Variants in GSN observed in about 807,000 individuals in gnomAD.
The protein encoded by GSN is actin-depolymerizing factor.
GSN carries 56 observed loss-of-function variants against 85.7 expected under a neutral mutation model. The observed-to-expected ratio is 0.65, with a 90% confidence interval of 0.53 to 0.82. The LOEUF (loss-of-function observed/expected upper bound fraction) is 0.82. Ranked by LOEUF, GSN falls within the 40% of genes least tolerant of loss-of-function variation. The probability of loss-of-function intolerance (pLI) is 0.00; values close to 1 mark genes in which losing one functional copy is unlikely to be tolerated. For missense variants in GSN, 857 were observed against 979.8 expected, an observed-to-expected ratio of 0.87 and a Z score of 1.67; for synonymous variants, 373 against 399.1, an observed-to-expected ratio of 0.93 and a Z score of 0.78.
intron 4 of GSN, among the ~76,000 whole-genome samples, chr9:121,305,283 G>A (rs1366437969): frequency 6.6e-6 from 1 of 152,182 alleles, no homozygotes; most frequent in East Asian, 1.9e-4. Context: ...AGACGAGGAA[G>A]CTGAGGCTCA....
At chr9:121,300,308 C>T (rs539961140) in intron 2 of GSN, among the ~76,000 whole-genome samples, 6 of 151,580 alleles carry the variant, frequency 4.0e-5, no homozygotes, top group Admixed American at 2.6e-4. Context: ...ATTTTTTCTC[C>T]CCTCTGCCTC....
At chr9:121,215,386 A>G (rs1162420305) in intron 4 of GSN, among the ~76,000 whole-genome samples, 1 of 152,060 alleles carries the variant, frequency 6.6e-6, no homozygotes, top group Non-Finnish European at 1.5e-5. Flanking sequence ...AACATTGGTT[A>G]AAAGATCTCT....
intron 4 of GSN, among the ~76,000 whole-genome samples, chr9:121,225,125 AAAAT>A (rs1283535228): frequency 6.6e-6 from 1 of 152,210 alleles, no homozygotes; most frequent in Non-Finnish European, 1.5e-5. Flanking sequence ...AGCCAAATGT[AAAAT>A]AAATAAATAG....
chr9:121,213,227 C>T (rs915515801), intron 4 of GSN, among the ~76,000 whole-genome samples: 9 of 152,162 alleles, frequency 5.9e-5, no homozygotes, highest in African/African-American at 1.7e-4. Flanking sequence ...CTGGGCTTCA[C>T]GGAGGAGTGA....
rs752438010 is a variant in GSN at position 121,318,366 on chromosome 9, G to A, written c.887-40G>A. 13 of 1,489,524 alleles carry A rather than the reference G, an allele frequency of 8.7e-6. No homozygotes were observed. Among genetic ancestry groups the A allele is most frequent in the South Asian group, 2.3e-5 (2 of 88,474 alleles). The allele number at this position is 1,489,524 out of a possible 1,614,324, so 92.3% of individuals were successfully genotyped here. A position where few individuals can be genotyped will look rare whatever the true frequency, so the allele number is the denominator to read the frequency against. ...AAAGGTCAGGATGCAGCAGGATCCC[G>A]GGCCTCTAACCCTCCATCACTTCCT... is the stretch of plus-strand genomic sequence containing the variant. On this transcript the variant is annotated intron_variant, in intron 8 of 17. Transcript: ENST00000432226. The surrounding 1 kb of genome is among the most constrained non-coding windows in gnomAD (Gnocchi z 4.3).
At position 121,318,602 on chromosome 9, in the gene GSN, C is replaced by G. The variant is rs2061992978; in HGVS notation, c.976-63C>G. On this transcript the variant is annotated intron_variant, in intron 9 of 17. Transcript: ENST00000432226. The surrounding 1 kb of genome is among the most constrained non-coding windows in gnomAD (Gnocchi z 4.3). The stretch of plus-strand genomic sequence containing the variant: ...CTCAGTGTGGATGGGGTATCTGAGG[C>G]TCCCCTGGGGACCCCTGCTGGGCAG... 1 of 1,480,204 alleles carries G rather than the reference C, an allele frequency of 6.8e-7. No individual in the cohort carries two copies. The highest frequency in any genetic ancestry group is 1.4e-5 in the African/African-American group (1 of 72,322). The allele number at this position is 1,480,204 out of a possible 1,614,324, so 91.7% of individuals were successfully genotyped here. A position where few individuals can be genotyped will look rare whatever the true frequency, so the allele number is the denominator to read the frequency against.
chr9:121,320,632 T>G, intron 10 of GSN, among the ~76,000 whole-genome samples: 1 of 140,120 alleles, frequency 7.1e-6, no homozygotes, highest in Non-Finnish European at 1.5e-5. Flanking sequence ...GCAACAAGAG[T>G]GAAACCTCGT....
chr9:121,296,334 G>T (rs1014395490), intron 2 of GSN, among the ~76,000 whole-genome samples: 6 of 152,198 alleles, frequency 3.9e-5, no homozygotes, highest in African/African-American at 1.4e-4. Flanking sequence ...GGGCCCAGAG[G>T]TGAGGTGGCA....
intron 5 of GSN, among the ~76,000 whole-genome samples, chr9:121,246,822 C>T (rs765307420): frequency 6.6e-6 from 1 of 152,192 alleles, no homozygotes; most frequent in Non-Finnish European, 1.5e-5. Flanking sequence ...AGTTCCAAAA[C>T]TTCTGGAAGA....
At chr9:121,215,688 T>C (rs2054051157) in intron 4 of GSN, among the ~76,000 whole-genome samples, 1 of 151,144 alleles carries the variant, frequency 6.6e-6, no homozygotes, top group Non-Finnish European at 1.5e-5. Context: ...AGTAAGACTC[T>C]GTTTCAAAAA....
At position 121,312,813 on chromosome 9, in the gene GSN, G is replaced by A. The variant is rs950290696; in HGVS notation, c.663+325G>A. On this transcript the variant is annotated intron_variant, in intron 6 of 17. Coordinates refer to ENST00000432226, the MANE Select transcript of GSN (RefSeq NM_198252.3). ...AGGCTAACTTTTGAATTTTTTGTAG[G>A]AATGAGGTCTTGCCATGTCGCTCAG... is the stretch of plus-strand genomic sequence containing the variant. The A allele has an allele frequency of 2.2e-5, 4 of 185,982 alleles. No individual in the cohort carries two copies. In the South Asian group the frequency reaches 4.5e-4, roughly 21 times the overall value. The allele number at this position is 185,982 out of a possible 1,614,324, so 11.5% of individuals were successfully genotyped here.
intron 1 of GSN, chr9:121,279,954 C>G: frequency 6.6e-6 from 1 of 152,198 alleles, no homozygotes; most frequent in East Asian, 1.9e-4. Flanking sequence ...AGTGTCTGGC[C>G]TCTGACCTCT....
At chr9:121,205,292 A>G (rs1401855222), upstream of GSN, among the ~76,000 whole-genome samples, 5 of 152,212 alleles carry the variant, frequency 3.3e-5, no homozygotes, top group African/African-American at 1.2e-4. Context: ...ATGGAAAGAG[A>G]CGCCTTCTTT....
chr9:121,244,971 A>G (rs949681603), intron 5 of GSN, among the ~76,000 whole-genome samples: 2 of 152,166 alleles, frequency 1.3e-5, no homozygotes, highest in African/African-American at 4.8e-5. Flanking sequence ...TAGCTTCTAA[A>G]AAAAAAGTAG....
At chr9:121,232,456 G>C (rs180851378) in intron 5 of GSN, among the ~76,000 whole-genome samples, 249 of 152,330 alleles carry the variant, frequency 1.6e-3, no homozygotes, top group African/African-American at 4.4e-3. Flanking sequence ...ACTCTTGGCA[G>C]AGTTACATAA....
chr9:121,302,857 G>A (rs968435227), intron 3 of GSN, 54 bp from the exon 4 acceptor site: 133 of 1,589,198 alleles, frequency 8.4e-5, no homozygotes, highest in Middle Eastern at 2.1e-4. Context: ...CTCTTCCTCA[G>A]GGGTCTGGGA....
intron 6 of GSN, among the ~76,000 whole-genome samples, chr9:121,257,559 A>G (rs2054991749): frequency 6.6e-6 from 1 of 152,210 alleles, no homozygotes; most frequent in African/African-American, 2.4e-5. Context: ...CCTGGAGATG[A>G]AGTGATTACA....
intron 10 of GSN, among the ~76,000 whole-genome samples, 188 bp from the exon 11 acceptor site, chr9:121,321,080 C>G (rs1308279997): frequency 6.6e-6 from 1 of 152,200 alleles, no homozygotes; most frequent in African/African-American, 2.4e-5. Context: ...AACCCTGACC[C>G]AGAGTCCCAG....
intron 6 of GSN, among the ~76,000 whole-genome samples, chr9:121,262,880 C>A (rs926051444): frequency 2.0e-5 from 3 of 152,252 alleles, no homozygotes; most frequent in Non-Finnish European, 4.4e-5. Context: ...ATCACTCTAT[C>A]TGACCAAACC....
Sources: gnomAD v4.1 joint callset for allele counts (sites outside exome capture counted in the v4.1 genomes callset) on GRCh38, gnomAD v4.1.1 for gene constraint, Gnocchi (gnomAD v3.1) non-coding constraint, MANE v1.5 for transcripts, NCBI Gene and HGNC (gene_info 2026-07-23, HGNC 2026-07-21) for gene names.